NBAS: variants seen among roughly 807,000 people sequenced by gnomAD.
The protein encoded by NBAS is NBAS subunit of NRZ tethering complex, also known as NAG/BC035112 fusion.
A neutral mutation model predicts 302.5 loss-of-function variants in NBAS; 219 were observed. The observed-to-expected ratio is 0.72, with a 90% CI of 0.65 to 0.81. The LOEUF is 0.81. NBAS is among the 30% of genes least tolerant of loss of function. The pLI is 0.00. For synonymous variants in NBAS, 1,118 were observed against 1,021.6 expected, an observed-to-expected ratio of 1.09 and a Z score of -1.80; for missense variants, 2,932 against 2,841.6, an observed-to-expected ratio of 1.03 and a Z score of -0.72.
intron 48 of NBAS, among the ~76,000 whole-genome samples, chr2:15,198,386 C>T (rs926147051): frequency 2.0e-5 from 3 of 151,958 alleles, no homozygotes; most frequent in Non-Finnish European, 2.9e-5. Context: ...GAAGTTAACT[C>T]GAGATCAGGA....
intron 38 of NBAS, among the ~76,000 whole-genome samples, chr2:15,325,433 G>T (rs966389621): frequency 1.1e-4 from 16 of 151,966 alleles, no homozygotes; most frequent in Admixed American, 4.6e-4. Context: ...TAATCTTTTT[G>T]CAGGTGAAGG....
At chr2:15,504,438 G>C (rs1661746284) in intron 10 of NBAS, among the ~76,000 whole-genome samples, 1 of 151,958 alleles carries the variant, frequency 6.6e-6, no homozygotes, top group African/African-American at 2.4e-5. Context: ...ATGATCAAAT[G>C]CTTTTTTAAA....
chr2:15,219,969 T>C (rs1272573336), intron 47 of NBAS, among the ~76,000 whole-genome samples: 2 of 141,374 alleles, frequency 1.4e-5, no homozygotes, highest in African/African-American at 2.7e-5. Flanking sequence ...CACTTCCCAG[T>C]AGGGGCGGCC....
the NBAS span, among the ~76,000 whole-genome samples, chr2:14,824,827 T>C: frequency 2.0e-5 from 3 of 151,972 alleles, no homozygotes; most frequent in African/African-American, 2.4e-5. Flanking sequence ...GTAGAACTCC[T>C]AGAAGGAGAT....
chr2:15,120,746 G>A, the NBAS span, among the ~76,000 whole-genome samples: 1 of 152,352 alleles, frequency 6.6e-6, no homozygotes, highest in East Asian at 1.9e-4. Context: ...GGGGAGAAAG[G>A]AGAATTGGGC....
At chr2:14,821,946 T>C in the NBAS span, among the ~76,000 whole-genome samples, 3 of 151,666 alleles carry the variant, frequency 2.0e-5, no homozygotes, top group Non-Finnish European at 2.9e-5. Context: ...GGCAAGAGAA[T>C]CGCTTGAACT....
At chr2:15,408,549 C>A (rs1392182682) in intron 25 of NBAS, among the ~76,000 whole-genome samples, 1 of 152,088 alleles carries the variant, frequency 6.6e-6, no homozygotes, top group Non-Finnish European at 1.5e-5. Flanking sequence ...TTGAATAATT[C>A]TTTCAGGATG....
At chr2:14,912,228 C>T in the NBAS span, among the ~76,000 whole-genome samples, 185 of 152,284 alleles carry the variant, frequency 1.2e-3, 1 homozygote, top group African/African-American at 4.1e-3. Flanking sequence ...TTGACCAAAA[C>T]GTTACTAGGT....
chr2:15,228,462 T>C (rs1667236843), intron 47 of NBAS, among the ~76,000 whole-genome samples: 1 of 152,198 alleles, frequency 6.6e-6, no homozygotes, highest in Non-Finnish European at 1.5e-5. Context: ...AGGACTACCA[T>C]TTGATGCAGC....
chr2:15,505,630 C>A (rs1316920619), intron 10 of NBAS, among the ~76,000 whole-genome samples: 1 of 152,052 alleles, frequency 6.6e-6, no homozygotes, highest in African/African-American at 2.4e-5. Context: ...AAGAAGGCAC[C>A]GTTAACCTAC....
intron 9 of NBAS, among the ~76,000 whole-genome samples, chr2:15,527,991 T>C (rs964529946): frequency 6.6e-6 from 1 of 152,034 alleles, no homozygotes; most frequent in Admixed American, 6.6e-5. Flanking sequence ...AGCTGCCTCT[T>C]ACCACTCCCA....
At chr2:15,526,527 T>TA (rs1385007473) in intron 9 of NBAS, among the ~76,000 whole-genome samples, 1 of 151,942 alleles carries the variant, frequency 6.6e-6, no homozygotes, top group African/African-American at 2.4e-5. Flanking sequence ...TGAAAATAAA[T>TA]AAAAATGTGA....
In NBAS at chr2:15,266,488, C is replaced by A. The variant is rs142229891; in HGVS notation, c.5724+8996G>T. On this transcript the variant is annotated intron_variant, in intron 44 of 51. Transcript: ENST00000281513. ...AATCTCTCCTGCTATTGGGAGAAAC[C>A]GACAGGATCCTATCCAAGGTGAATT... Among the ~76,000 whole-genome samples, 14 of 152,222 alleles carry A rather than the reference C, an allele frequency of 9.2e-5. 1 individual carries two copies. The South Asian group carries it at 1.5e-3, about 16-fold the overall frequency.
At chr2:14,987,227 A>G in the NBAS span, among the ~76,000 whole-genome samples, 1 of 152,140 alleles carries the variant, frequency 6.6e-6, no homozygotes, top group African/African-American at 2.4e-5. Flanking sequence ...TGTACTTGAC[A>G]AACATCAGTT....
chr2:14,818,453 G>A, the NBAS span, among the ~76,000 whole-genome samples: 1 of 152,094 alleles, frequency 6.6e-6, no homozygotes, highest in Non-Finnish European at 1.5e-5. Flanking sequence ...CAGATTCAAG[G>A]CAAATAATTG....
At chr2:15,117,932 T>C in the NBAS span, among the ~76,000 whole-genome samples, 1 of 152,214 alleles carries the variant, frequency 6.6e-6, no homozygotes, top group African/African-American at 2.4e-5. Context: ...AATCTCAATA[T>C]TCTGCCATGC....
At chr2:15,273,084 T>A (rs1669403857) in intron 44 of NBAS, among the ~76,000 whole-genome samples, 1 of 152,276 alleles carries the variant, frequency 6.6e-6, no homozygotes, top group East Asian at 1.9e-4. Context: ...CCCCAGATGA[T>A]CATGCTGGCT....
At chr2:15,326,371 C>A (rs115248127) in intron 38 of NBAS, among the ~76,000 whole-genome samples, 2 of 152,072 alleles carry the variant, frequency 1.3e-5, no homozygotes, top group African/African-American at 4.8e-5. Context: ...ATAAAAATAT[C>A]GTATAAACCA....
chr2:15,014,025 CT>C, the NBAS span, among the ~76,000 whole-genome samples: 1 of 151,684 alleles, frequency 6.6e-6, no homozygotes, highest in Non-Finnish European at 1.5e-5. Context: ...ACAACACAGA[CT>C]TTAAGTCAAA....
Sources: allele counts gnomAD v4.1 joint callset (sites outside exome capture counted in the v4.1 genomes callset), GRCh38; gene constraint gnomAD v4.1.1; transcripts MANE v1.5; gene names NCBI Gene and HGNC (gene_info 2026-07-23, HGNC 2026-07-21).